Variants in SAMSN1 observed in about 807,000 individuals in gnomAD.
The protein encoded by SAMSN1 is SAM domain, SH3 domain and nuclear localization signals 1.
In SAMSN1, 31 loss-of-function variants were observed where a neutral mutation model predicts 42.0. The ratio of observed to expected loss-of-function variants is 0.74; its 90% CI spans 0.55 to 1.00. The LOEUF is 1.00. Among genes scored for constraint, SAMSN1 ranks in the 50% least tolerant of loss-of-function variants. The probability of loss-of-function intolerance (pLI) is 0.00; values close to 1 mark genes in which losing one functional copy is unlikely to be tolerated. For missense variants in SAMSN1, 464 were observed against 439.4 expected (o/e 1.06, Z -0.50); for synonymous variants, 178 against 151.9 (o/e 1.17, Z -1.26).
chr21:14,644,759 C>T (rs192388044), intron 1 of SAMSN1, among the ~76,000 whole-genome samples: 1 of 152,176 alleles, frequency 6.6e-6, no homozygotes, highest in East Asian at 1.9e-4. Context: ...GATGGCATTT[C>T]TGGACATGCC....
intron 1 of SAMSN1, among the ~76,000 whole-genome samples, chr21:14,647,495 T>C (rs991287073): frequency 6.7e-6 from 1 of 149,408 alleles, no homozygotes; most frequent in Non-Finnish European, 1.5e-5. Flanking sequence ...CTATGAACTT[T>C]AAAGTAGTTT....
Position 14,646,952 on chromosome 21 carries a change from G to A in SAMSN1, c.25-3819C>T, listed in dbSNP as rs909513213. ...ATTAAAAAGCAAGAAACTAAACCAT[G>A]TCTCCAGACAAAGTCACCTTCACTA... On this transcript the variant is annotated intron_variant, in intron 1 of 15. Transcript: ENST00000647101. Among the ~76,000 whole-genome samples the A allele has an allele frequency of 1.2e-4, 18 of 152,218 alleles. 1 individual carries two copies. The highest frequency in any genetic ancestry group is 1.9e-4 in the Non-Finnish European group (13 of 68,000).
At chr21:14,658,605 C>T (rs1251257061) in intron 1 of SAMSN1, 30 of 592,590 alleles carry the variant, frequency 5.1e-5, no homozygotes, top group Non-Finnish European at 2.7e-5. Context: ...TCCTTTCTCA[C>T]TGTTCTTTGT....
In SAMSN1 at chr21:14,509,865, C is replaced by T. The variant is rs141049373; in HGVS notation, c.561+445G>A. 7.9e-4 allele frequency among the ~76,000 whole-genome samples: 120 copies of T among 152,268 alleles called. 1 individual carries two copies. The highest frequency in any genetic ancestry group is 2.8e-3 in the African/African-American group (118 of 41,550). On this transcript the variant is annotated intron_variant, in intron 5 of 7. Transcript: ENST00000400566. ...TTCAAATTCTTAGCACTGGGCCAGGCGTGGTGGCTCACGCCTGTAATCCCA... is the reference window on the plus strand; with the variant it reads ...TTCAAATTCTTAGCACTGGGCCAGGTGTGGTGGCTCACGCCTGTAATCCCA...
chr21:14,526,863 T>C (rs1037423462), intron 1 of SAMSN1, among the ~76,000 whole-genome samples: 12 of 152,188 alleles, frequency 7.9e-5, no homozygotes, highest in South Asian at 4.1e-4. Context: ...AGGGTCTCTA[T>C]GTAGAAATCT....
chr21:14,546,329 A>G, upstream of SAMSN1: 7 of 1,604,440 alleles, frequency 4.4e-6, no homozygotes, highest in Non-Finnish European at 6.0e-6. Context: ...AACAGTCAGC[A>G]GTGTGCTGTC....
chr21:14,658,819 G>A (rs60792477), exon 1 of SAMSN1: 10 of 714,394 alleles, frequency 1.4e-5, no homozygotes, highest in South Asian at 8.9e-5. Flanking sequence ...AAATATGATT[G>A]CCTCTTGTAG....
rs368727307 is a variant in SAMSN1 at position 14,510,372 on chromosome 21, G to A, written c.499C>T (p.Arg167Cys). 6.6e-5 allele frequency: 107 copies of A among 1,613,968 alleles called. No homozygotes were observed. Among genetic ancestry groups the A allele is most frequent in the South Asian group, 9.9e-5 (9 of 91,084 alleles). ...DGPYSGPFCG[R>C]ARVHTDFTPS... ...GTGAAATCCGTATGCACTCTGGCAC[G>A]GCCACAGAATGGTCCTGAATAGGGG... Residue 167 changes from arginine (R) to cysteine (C), a missense_variant, in exon 5 of 8, where the codon CGT becomes TGT. Arg to Cys is a radical substitution (Grantham distance 180). Transcript: ENST00000400566.
intron 7 of SAMSN1, among the ~76,000 whole-genome samples, chr21:14,590,003 T>A (rs573925600): frequency 3.9e-5 from 6 of 152,320 alleles, no homozygotes; most frequent in African/African-American, 1.4e-4. Flanking sequence ...CTTCAAGTAG[T>A]TTCATATGTA....
At chr21:14,613,733 T>C (rs1390381253) in intron 3 of SAMSN1, among the ~76,000 whole-genome samples, 2 of 152,034 alleles carry the variant, frequency 1.3e-5, no homozygotes, top group Non-Finnish European at 2.9e-5. Context: ...TGAATAACAA[T>C]GAGAGTAGAC....
chr21:14,605,464 C>A (rs747006145), intron 5 of SAMSN1, among the ~76,000 whole-genome samples: 23 of 152,182 alleles, frequency 1.5e-4, no homozygotes, highest in Admixed American at 4.6e-4. Flanking sequence ...TCTTAGGAAA[C>A]AAGTTTTTCT....
At position 14,626,631 on chromosome 21, in the gene SAMSN1, G is replaced by A. The variant is rs1423416075; in HGVS notation, c.157-10615C>T. Reference sequence around the variant, plus strand: ...TCATTAAAAAGTCAGGAAACAACAGGGGCTGTAGAGGATGTGGAGAAATAG... The same window carrying A: ...TCATTAAAAAGTCAGGAAACAACAGAGGCTGTAGAGGATGTGGAGAAATAG... On this transcript the variant is annotated intron_variant, in intron 2 of 15. Coordinates refer to the SAMSN1 transcript ENST00000647101. Among the ~76,000 whole-genome samples the A allele has an allele frequency of 3.9e-5, 6 of 152,224 alleles. No individual in the cohort carries two copies. In the East Asian group the frequency reaches 7.7e-4, roughly 20 times the overall value.
At chr21:14,514,270 T>C (rs1180689201) in intron 3 of SAMSN1, among the ~76,000 whole-genome samples, 1 of 152,194 alleles carries the variant, frequency 6.6e-6, no homozygotes, top group Non-Finnish European at 1.5e-5. Flanking sequence ...AAAGGCTTTC[T>C]CTTTAGCCTT....
chr21:14,550,156 G>C (rs1288195495), upstream of SAMSN1, among the ~76,000 whole-genome samples: 1 of 151,982 alleles, frequency 6.6e-6, no homozygotes, highest in Non-Finnish European at 1.5e-5. Flanking sequence ...AGAAATGACG[G>C]GATGGATATT....
At chr21:14,543,139 C>T (rs1417669348) in intron 1 of SAMSN1, among the ~76,000 whole-genome samples, 2 of 152,202 alleles carry the variant, frequency 1.3e-5, no homozygotes, top group Non-Finnish European at 2.9e-5. Flanking sequence ...AAGTTATTAA[C>T]ATTCCAGTAC....
At chr21:14,510,531 C>T (rs936452325) in intron 4 of SAMSN1, 70 bp from the exon 5 acceptor site, 2 of 1,536,694 alleles carry the variant, frequency 1.3e-6, no homozygotes, top group South Asian at 1.1e-5. Flanking sequence ...CTGGACACAA[C>T]TAAGTATTGA....
chr21:14,509,494 A>G (rs1424550958), intron 5 of SAMSN1, among the ~76,000 whole-genome samples: 1 of 152,176 alleles, frequency 6.6e-6, no homozygotes. Context: ...CCGCTAAAGA[A>G]CTTACCCATG....
At chr21:14,617,554 C>T (rs931313130) in intron 2 of SAMSN1, among the ~76,000 whole-genome samples, 3 of 152,112 alleles carry the variant, frequency 2.0e-5, no homozygotes, top group African/African-American at 7.2e-5. Context: ...TCTATGCAAT[C>T]GGGACCAAAT....
chr21:14,639,586 C>A (rs1029671780), intron 2 of SAMSN1, among the ~76,000 whole-genome samples: 2 of 152,122 alleles, frequency 1.3e-5, no homozygotes, highest in Non-Finnish European at 2.9e-5. Context: ...AACACATGAA[C>A]TTTAGGAGAG....
Sources: gnomAD v4.1 joint callset for allele counts (sites outside exome capture counted in the v4.1 genomes callset) on GRCh38, gnomAD v4.1.1 for gene constraint, MANE v1.5 for transcripts, NCBI Gene and HGNC (gene_info 2026-07-23, HGNC 2026-07-21) for gene names.